The following GLB1 variants were observed in gnomAD, a reference collection of about 807,000 sequenced individuals.
The protein encoded by GLB1 is galactosidase beta 1.
GLB1 carries 56 observed loss-of-function variants against 74.0 expected under a neutral mutation model. That is an observed-to-expected ratio of 0.76 (90% CI 0.61 to 0.94). The LOEUF is 0.94. Among genes scored for constraint, GLB1 ranks in the 40% least tolerant of loss-of-function variants. The pLI, the probability that GLB1 is intolerant of heterozygous loss-of-function variation, is 0.00. For missense variants in GLB1, 787 were observed against 845.5 expected, an observed-to-expected ratio of 0.93 and a Z score of 0.86; for synonymous variants, 323 against 323.6, an observed-to-expected ratio of 1.00 and a Z score of 0.02.
chr3:33,058,011 T>C lies in GLB1; in HGVS notation c.733+78A>G, dbSNP rs77452319. 123,735 of 1,578,106 alleles carry C rather than the reference T, an allele frequency of 0.078. 6,010 individuals carry two copies. Among genetic ancestry groups the C allele is most frequent in the East Asian group, 0.24 (10,554 of 44,326 alleles). ...AATCTCAATCTGCCCATGACACTTA[T>C]AACAACAGCTGCCCAGAGCAACTGA... On this transcript the variant is annotated intron_variant, in intron 6 of 15. Transcript: ENST00000307363.
rs565235989 is a variant in GLB1 at position 33,028,260 on chromosome 3, T to A, written c.1069-3935A>T. On this transcript the variant is annotated intron_variant, in intron 10 of 15. Transcript: ENST00000307363. ...TGCTTCTTCTGGTCTCTAAGTAATA[T>A]ATGTGTACTGCTTTTTCTTATCATT... is the stretch of plus-strand genomic sequence containing the variant. Among the ~76,000 whole-genome samples the A allele has an allele frequency of 1.5e-3, 230 of 152,312 alleles. 1 individual carries two copies. The highest frequency in any genetic ancestry group is 5.3e-3 in the African/African-American group (221 of 41,560).
chr3:33,083,756 T>C (rs11707667), intron 1 of GLB1, among the ~76,000 whole-genome samples: 51,408 of 151,632 alleles, frequency 0.34, 10,855 homozygotes, highest in Middle Eastern at 0.5. Flanking sequence ...ACCAAATACG[T>C]ATCAGGAACC....
chr3:33,038,649 C>G (rs1009002794), intron 10 of GLB1, among the ~76,000 whole-genome samples: 1 of 152,202 alleles, frequency 6.6e-6, no homozygotes, highest in African/African-American at 2.4e-5. Flanking sequence ...AACACAACTT[C>G]TGGGAGTCTT....
chr3:33,080,964 C>G (rs751331470), intron 1 of GLB1, among the ~76,000 whole-genome samples: 10 of 152,132 alleles, frequency 6.6e-5, no homozygotes, highest in African/African-American at 2.4e-4. Flanking sequence ...AGACAAATAC[C>G]AAGGCCCTCA....
intron 15 of GLB1, 118 bp downstream of exon 15, chr3:33,013,938 A>T: frequency 6.4e-7 from 1 of 1,558,068 alleles, no homozygotes; most frequent in Non-Finnish European, 8.7e-7. Context: ...AATGTCCGAA[A>T]CGCCACACTC....
intron 1 of GLB1, among the ~76,000 whole-genome samples, chr3:33,075,671 G>C (rs1700077863): frequency 6.6e-6 from 1 of 151,806 alleles, no homozygotes; most frequent in African/African-American, 2.4e-5. Context: ...GGGAACCCAG[G>C]CATGGCAGGG....
intron 10 of GLB1, chr3:33,037,886 C>T (rs761014999): frequency 2.0e-5 from 3 of 151,904 alleles, no homozygotes; most frequent in East Asian, 1.9e-4. Context: ...ACATGCTAAC[C>T]GTATTGCACA....
At chr3:32,994,095 A>C (rs1575390845), downstream of GLB1, among the ~76,000 whole-genome samples, 1 of 152,218 alleles carries the variant, frequency 6.6e-6, no homozygotes, top group African/African-American at 2.4e-5. Context: ...GAGAAATGAA[A>C]ACGGATGACT....
chr3:33,065,306 C>T (rs1247289659), intron 5 of GLB1, among the ~76,000 whole-genome samples, 157 bp downstream of exon 5: 3 of 152,200 alleles, frequency 2.0e-5, no homozygotes, highest in African/African-American at 7.2e-5. Flanking sequence ...ATGGCAATGC[C>T]TTCCCAAATG....
the GLB1 span, among the ~76,000 whole-genome samples, chr3:32,972,935 G>A: frequency 5.3e-5 from 8 of 152,182 alleles, no homozygotes; most frequent in Non-Finnish European, 8.8e-5. Flanking sequence ...CCCTGGCTGT[G>A]CAGCTGCAAG....
intron 3 of GLB1, 106 bp from the exon 4 acceptor site, chr3:33,068,396 G>T: frequency 6.9e-7 from 1 of 1,459,544 alleles, no homozygotes. Flanking sequence ...AGCTTCAAGG[G>T]ACAAGGGGTA....
At chr3:33,096,685 C>T (rs1701044291) in intron 1 of GLB1, 1 of 1,159,252 alleles carries the variant, frequency 8.6e-7, no homozygotes, top group South Asian at 2.7e-5. Context: ...GAATCCCCTC[C>T]CGGAAAGCCA....
At chr3:33,057,286 C>A (rs77526617) in intron 6 of GLB1, among the ~76,000 whole-genome samples, 1 of 152,210 alleles carries the variant, frequency 6.6e-6, no homozygotes, top group African/African-American at 2.4e-5. Context: ...GAAGCTGTTG[C>A]CACCAGGCTT....
intron 12 of GLB1, among the ~76,000 whole-genome samples, chr3:33,019,952 A>G (rs1697398675): frequency 6.6e-6 from 1 of 152,126 alleles, no homozygotes; most frequent in African/African-American, 2.4e-5. Flanking sequence ...GCCCCACCCA[A>G]TCTGAGAGCA....
At chr3:33,006,311 C>T (rs1696785324) in intron 15 of GLB1, among the ~76,000 whole-genome samples, 1 of 152,174 alleles carries the variant, frequency 6.6e-6, no homozygotes, top group Non-Finnish European at 1.5e-5. Flanking sequence ...AGCAGGAACC[C>T]TATTGTGAAC....
chr3:33,093,357 T>C lies in GLB1; in HGVS notation c.75+3654A>G. On this transcript the variant is annotated intron_variant, in intron 1 of 15. Transcript: ENST00000307363. This position sits in a 1 kb window ranked among gnomAD's most constrained non-coding sequence, Gnocchi z 6.0. ...CCAGTTGCTGACATCTGACGTGTAG[T>C]ACTCATGATTGCCTGTGACGAAGTA... 1 of 1,614,060 alleles carries C rather than the reference T, an allele frequency of 6.2e-7. No individual in the cohort carries two copies. Among genetic ancestry groups the C allele is most frequent in the Middle Eastern group, 1.6e-4 (1 of 6,062 alleles).
At chr3:33,066,227 A>G (rs1346859348) in intron 4 of GLB1, among the ~76,000 whole-genome samples, 1 of 152,096 alleles carries the variant, frequency 6.6e-6, no homozygotes, top group Non-Finnish European at 1.5e-5. Flanking sequence ...CGAATCCCCA[A>G]TGTGGTAGTA....
intron 15 of GLB1, among the ~76,000 whole-genome samples, chr3:33,004,312 A>T (rs1575400214): frequency 1.3e-5 from 2 of 152,228 alleles, no homozygotes; most frequent in East Asian, 3.9e-4. Flanking sequence ...GGTCATGCCC[A>T]GCTGAGACCA....
intron 5 of GLB1, among the ~76,000 whole-genome samples, chr3:33,059,656 T>C (rs1396004450): frequency 6.6e-6 from 1 of 152,066 alleles, no homozygotes; most frequent in Non-Finnish European, 1.5e-5. Context: ...TGGGACGAAA[T>C]GGTGTATGAT....
Sources: gnomAD v4.1 joint callset for allele counts (sites outside exome capture counted in the v4.1 genomes callset) on GRCh38, gnomAD v4.1.1 for gene constraint, Gnocchi (gnomAD v3.1) non-coding constraint, MANE v1.5 for transcripts, NCBI Gene and HGNC (gene_info 2026-07-23, HGNC 2026-07-21) for gene names.